ZNF560: variants seen among roughly 807,000 people sequenced by gnomAD.
The protein encoded by ZNF560 is zinc finger protein 560.
Under a neutral mutation model 81.8 loss-of-function variants are expected in ZNF560, and 54 were observed. The observed-to-expected ratio is 0.66, with a 90% CI of 0.53 to 0.83. The LOEUF is 0.83. Among genes scored for constraint, ZNF560 ranks in the 40% least tolerant of loss-of-function variants. The pLI, the probability that ZNF560 is intolerant of heterozygous loss-of-function variation, is 0.00. For missense variants in ZNF560, 940 were observed against 932.4 expected (o/e 1.01, Z -0.11); for synonymous variants, 321 against 317.9 (o/e 1.01, Z -0.10).
chr19:9,488,311 A>G (rs909999148), intron 2 of ZNF560, among the ~76,000 whole-genome samples: 3 of 152,186 alleles, frequency 2.0e-5, no homozygotes, highest in Admixed American at 6.5e-5. Flanking sequence ...CCTGAGCCAA[A>G]GAAACCTCTT....
chr19:9,466,381 C>T lies in ZNF560; in HGVS notation c.*193G>A. The T allele has an allele frequency of 1.9e-6, 1 of 527,146 alleles. No individual in the cohort carries two copies. The highest frequency in any genetic ancestry group is 3.3e-6 in the Non-Finnish European group (1 of 306,228). 32.7% of individuals were successfully genotyped at this position (527,146 alleles called of 1,614,324 possible). ...GAGAGAGAGAAGAACTAGTGTTTTCCTACATCCCTTACATTTACAGGGTTT... is the reference window on the plus strand; with the variant it reads ...GAGAGAGAGAAGAACTAGTGTTTTCTTACATCCCTTACATTTACAGGGTTT... On this transcript the variant is annotated 3_prime_UTR_variant, in exon 10 of 10. Transcript: ENST00000301480.
upstream of ZNF560, among the ~76,000 whole-genome samples, chr19:9,503,302 T>G (rs1052020577): frequency 2.0e-5 from 3 of 152,182 alleles, no homozygotes; most frequent in African/African-American, 7.2e-5. Context: ...TCCATTTTTG[T>G]TTTTCTCTAC....
intron 2 of ZNF560, among the ~76,000 whole-genome samples, chr19:9,479,874 G>A (rs903643969): frequency 2.0e-5 from 3 of 152,052 alleles, no homozygotes; most frequent in Non-Finnish European, 4.4e-5. Context: ...CCACAGGTGG[G>A]GGAGGGGTTA....
At chr19:9,502,733 CT>C (rs568566868), upstream of ZNF560, among the ~76,000 whole-genome samples, 387 of 152,292 alleles carry the variant, frequency 2.5e-3, 2 homozygotes, top group African/African-American at 9.1e-3. Flanking sequence ...GGTTATCTAA[CT>C]AGTTGTACAA....
chr19:9,452,297 T>C, the ZNF560 span, among the ~76,000 whole-genome samples: 1 of 152,142 alleles, frequency 6.6e-6, no homozygotes, highest in Admixed American at 6.5e-5. Context: ...AAGGGAACAT[T>C]TGTATACACT....
chr19:9,491,532 C>T (rs947745036), intron 2 of ZNF560, among the ~76,000 whole-genome samples: 2 of 151,926 alleles, frequency 1.3e-5, no homozygotes, highest in Admixed American at 6.6e-5. Flanking sequence ...CTTGGCAGAC[C>T]TATAAGATTC....
chr19:9,471,484 A>G lies in ZNF560; in HGVS notation c.239-106T>C, dbSNP rs970920297. The G allele has an allele frequency of 3.3e-5, 24 of 736,510 alleles. No homozygotes were observed. The Middle Eastern group carries it at 1.3e-3, about 40-fold the overall frequency. 45.6% of individuals were successfully genotyped at this position (736,510 alleles called of 1,614,324 possible). A position where few individuals can be genotyped will look rare whatever the true frequency, so the allele number is the denominator to read the frequency against. ...ATTCATATTTGTTTTTAAAATAAAC[A>G]TAAGAAAAAAGAAAGCTAAATTGAA... On this transcript the variant is annotated intron_variant, in intron 5 of 9. Transcript: ENST00000301480.
At chr19:9,502,244 G>T (rs757796741), upstream of ZNF560, among the ~76,000 whole-genome samples, 1 of 152,006 alleles carries the variant, frequency 6.6e-6, no homozygotes, top group Non-Finnish European at 1.5e-5. Flanking sequence ...ACAGAGTCTC[G>T]CTCTGTTGCC....
the ZNF560 span, among the ~76,000 whole-genome samples, chr19:9,451,274 A>G: frequency 6.6e-6 from 1 of 152,220 alleles, no homozygotes; most frequent in African/African-American, 2.4e-5. Context: ...TTACAAAAAC[A>G]GACACATACA....
chr19:9,452,687 G>A, the ZNF560 span, among the ~76,000 whole-genome samples: 1 of 152,342 alleles, frequency 6.6e-6, no homozygotes, highest in South Asian at 2.1e-4. Context: ...ATTTGTGAGA[G>A]CTAAGCGAGT....
intron 2 of ZNF560, among the ~76,000 whole-genome samples, chr19:9,479,116 G>A (rs2073246623): frequency 6.6e-6 from 1 of 151,556 alleles, no homozygotes; most frequent in Admixed American, 6.6e-5. Flanking sequence ...GAACCCAGCA[G>A]ATGAAGATTG....
the ZNF560 span, among the ~76,000 whole-genome samples, chr19:9,445,976 A>C: frequency 6.6e-6 from 1 of 152,098 alleles, no homozygotes; most frequent in Admixed American, 6.5e-5. Flanking sequence ...GGCTGGAACC[A>C]AGTAAATGGA....
intron 2 of ZNF560, among the ~76,000 whole-genome samples, chr19:9,483,864 G>T (rs973299244): frequency 6.6e-6 from 1 of 151,576 alleles, no homozygotes; most frequent in African/African-American, 2.4e-5. Context: ...GGGGAAATGT[G>T]GGGGAAAGAT....
At chr19:9,483,420 C>T (rs1432544080) in intron 2 of ZNF560, among the ~76,000 whole-genome samples, 5 of 140,676 alleles carry the variant, frequency 3.6e-5, no homozygotes, top group South Asian at 2.3e-4. Context: ...GGAGCCCCTC[C>T]GCCTGGCAGC....
At chr19:9,480,342 A>G in intron 2 of ZNF560, among the ~76,000 whole-genome samples, 1 of 152,200 alleles carries the variant, frequency 6.6e-6, no homozygotes. Context: ...TAGGAAGAAA[A>G]TTAGAAAATT....
the ZNF560 span, among the ~76,000 whole-genome samples, chr19:9,447,156 GA>G: frequency 7.4e-6 from 1 of 134,556 alleles, no homozygotes; most frequent in African/African-American, 3.0e-5. Context: ...AAAAAAAATA[GA>G]CATACTCTCT....
chr19:9,468,457 C>A lies in ZNF560; in HGVS notation c.613-123G>T, dbSNP rs142254940. ...TTTTATAACATGCATATAGTTTCTA[C>A]CTTTTGGATTTCCTTCAACTTGAAT... is the stretch of plus-strand genomic sequence containing the variant. On this transcript the variant is annotated intron_variant, in intron 9 of 9. Transcript: ENST00000301480. 755 of 691,416 alleles carry A rather than the reference C, an allele frequency of 1.1e-3. 9 individuals are homozygous for A. In the East Asian group the frequency reaches 0.021, roughly 20 times the overall value. The allele number at this position is 691,416 out of a possible 1,614,324, so 42.8% of individuals were successfully genotyped here.
chr19:9,504,131 C>T, the ZNF560 span, among the ~76,000 whole-genome samples: 4 of 152,178 alleles, frequency 2.6e-5, no homozygotes, highest in East Asian at 7.7e-4. Context: ...ATATTCAGTG[C>T]TTTTAAATTT....
chr19:9,483,342 C>A (rs1012884925), intron 2 of ZNF560, among the ~76,000 whole-genome samples: 3 of 151,266 alleles, frequency 2.0e-5, no homozygotes, highest in Non-Finnish European at 4.4e-5. Flanking sequence ...AGGAGCATCT[C>A]TGCCCAGCCG....
Sources: allele counts gnomAD v4.1 joint callset (sites outside exome capture counted in the v4.1 genomes callset), GRCh38; gene constraint gnomAD v4.1.1; transcripts MANE v1.5; gene names NCBI Gene and HGNC (gene_info 2026-07-23, HGNC 2026-07-21).